C1QTNF3: variants seen among roughly 807,000 people sequenced by gnomAD.
C1QTNF3 encodes C1q and TNF related 3.
Under a neutral mutation model 32.6 loss-of-function variants are expected in C1QTNF3, and 26 were observed. That is an observed-to-expected ratio of 0.80 (90% CI 0.58 to 1.11). The LOEUF is 1.11. Among genes scored for constraint, C1QTNF3 ranks in the 50% least tolerant of loss-of-function variants. The probability of loss-of-function intolerance (pLI) is 0.00; values close to 1 mark genes in which losing one functional copy is unlikely to be tolerated. For missense variants in C1QTNF3, 362 were observed against 398.2 expected (o/e 0.91, Z 0.77); for synonymous variants, 155 against 146.0 (o/e 1.06, Z -0.44).
At chr5:34,068,001 TC>T in the C1QTNF3 span, among the ~76,000 whole-genome samples, 2 of 152,182 alleles carry the variant, frequency 1.3e-5, no homozygotes, top group African/African-American at 4.8e-5. Flanking sequence ...CTCTATTTTT[TC>T]CTTTTTTTAA....
intron 1 of C1QTNF3, among the ~76,000 whole-genome samples, chr5:34,040,805 T>C (rs1028996000): frequency 7.5e-6 from 1 of 133,384 alleles, no homozygotes; most frequent in Non-Finnish European, 1.6e-5. Flanking sequence ...TTCCAGTCTC[T>C]GTTGCAGCAC....
At chr5:34,063,287 C>T in the C1QTNF3 span, among the ~76,000 whole-genome samples, 1 of 91,280 alleles carries the variant, frequency 1.1e-5, no homozygotes, top group Admixed American at 1.0e-4. Context: ...TCTCTCTCTT[C>T]CCTCTCTCTC....
At chr5:34,215,709 A>C in the C1QTNF3 span, among the ~76,000 whole-genome samples, 1 of 152,144 alleles carries the variant, frequency 6.6e-6, no homozygotes, top group South Asian at 2.1e-4. Flanking sequence ...CAGTGGCATG[A>C]TTATGGCTCA....
At chr5:34,169,053 T>TA in the C1QTNF3 span, 1 of 152,166 alleles carries the variant, frequency 6.6e-6, no homozygotes, top group Non-Finnish European at 1.5e-5. Flanking sequence ...CATGAGAAGA[T>TA]ACAGTATTTC....
the C1QTNF3 span, among the ~76,000 whole-genome samples, chr5:34,116,153 A>T: frequency 6.6e-6 from 1 of 152,164 alleles, no homozygotes; most frequent in Non-Finnish European, 1.5e-5. Context: ...CTGTTGTTTG[A>T]TAGCTGCATA....
the C1QTNF3 span, among the ~76,000 whole-genome samples, chr5:34,128,441 C>T: frequency 1.1e-4 from 16 of 152,230 alleles, no homozygotes; most frequent in Admixed American, 3.3e-4. Context: ...CCTATAGAAC[C>T]CAGAATGATA....
chr5:34,020,603 G>C lies in C1QTNF3; in HGVS notation c.940C>G (p.Leu314Val). The C allele has an allele frequency of 6.2e-7, 1 of 1,614,216 alleles. No individual in the cohort carries two copies. Among genetic ancestry groups the C allele is most frequent in the Non-Finnish European group, 8.5e-7 (1 of 1,180,036 alleles). Residue 314 changes from leucine (L) to valine (V), a missense_variant, in exon 6 of 6, where the codon CTG (leucine) becomes GTG (valine). Physicochemically the swap from Leu to Val is conservative, Grantham distance 32. Coordinates refer to ENST00000382065, the MANE Select transcript of C1QTNF3 (RefSeq NM_181435.6). The stretch of plus-strand genomic sequence containing the variant: ...TATATTTACTTAGTTTCAAAGAGCA[G>C]GAATCCTGCAAAGGTGGAGAAGCGT... ...HQRFSTFAGF[L>V]LFETK
At chr5:34,120,864 C>T in the C1QTNF3 span, among the ~76,000 whole-genome samples, 1 of 152,158 alleles carries the variant, frequency 6.6e-6, no homozygotes, top group Non-Finnish European at 1.5e-5. Flanking sequence ...TAATACAATA[C>T]CCGTCCCCCT....
At chr5:34,060,759 CAT>C in the C1QTNF3 span, among the ~76,000 whole-genome samples, 1 of 152,142 alleles carries the variant, frequency 6.6e-6, no homozygotes, top group Non-Finnish European at 1.5e-5. Context: ...AACCTACCTC[CAT>C]AATTCAATTA....
At chr5:34,106,449 G>T in the C1QTNF3 span, 1 of 148,500 alleles carries the variant, frequency 6.7e-6, no homozygotes, top group Non-Finnish European at 1.5e-5. Context: ...GGAATAACCT[G>T]TTCCATAAAT....
At chr5:34,078,495 T>A in the C1QTNF3 span, among the ~76,000 whole-genome samples, 1 of 151,800 alleles carries the variant, frequency 6.6e-6, no homozygotes, top group Non-Finnish European at 1.5e-5. This position sits in a 1 kb window ranked among gnomAD's most constrained non-coding sequence, Gnocchi z 4.0. Flanking sequence ...CTGCCACTTA[T>A]AAAACCATCA....
rs914474247 is a variant in C1QTNF3 at position 34,043,187 on chromosome 5, C to T, written c.-62G>A. On this transcript the variant is annotated 5_prime_UTR_variant, in exon 1 of 6. Transcript: ENST00000382065. ...CAGCAGAGCTCCAGGAGCGTGGTCT[C>T]CTCGGGCAGATGCCAGGACTGGAGC... The T allele has an allele frequency of 6.5e-7, 1 of 1,530,818 alleles. No homozygotes were observed. Among genetic ancestry groups the T allele is most frequent in the South Asian group, 1.2e-5 (1 of 80,206 alleles). 94.8% of individuals were successfully genotyped at this position (1,530,818 alleles called of 1,614,324 possible).
At chr5:34,049,827 T>A in the C1QTNF3 span, among the ~76,000 whole-genome samples, 1 of 152,230 alleles carries the variant, frequency 6.6e-6, no homozygotes, top group African/African-American at 2.4e-5. Context: ...TCAGTCTGTT[T>A]TCTTAAGGCC....
At chr5:34,167,589 C>A in the C1QTNF3 span, 2 of 152,164 alleles carry the variant, frequency 1.3e-5, no homozygotes, top group African/African-American at 4.8e-5. Flanking sequence ...CAACACCCAG[C>A]CAGTAGGTTA....
chr5:34,134,829 C>T, the C1QTNF3 span, among the ~76,000 whole-genome samples: 12 of 152,114 alleles, frequency 7.9e-5, no homozygotes, highest in Non-Finnish European at 1.2e-4. Flanking sequence ...TGGGTGGAGA[C>T]GATGAGGTTT....
At chr5:34,157,349 A>G in the C1QTNF3 span, among the ~76,000 whole-genome samples, 1 of 152,164 alleles carries the variant, frequency 6.6e-6, no homozygotes, top group Admixed American at 6.5e-5. Flanking sequence ...CCTCTTTTAG[A>G]AGATGCAGTA....
intron 5 of C1QTNF3, among the ~76,000 whole-genome samples, chr5:34,022,230 C>T (rs534564694): frequency 6.6e-6 from 1 of 152,212 alleles, no homozygotes; most frequent in South Asian, 2.1e-4. Context: ...TAAAAGCCTG[C>T]CAAGTAAGTT....
the C1QTNF3 span, among the ~76,000 whole-genome samples, chr5:34,085,166 GT>G: frequency 7.9e-4 from 110 of 139,936 alleles, 1 homozygote; most frequent in African/African-American, 2.3e-3. Flanking sequence ...AATTTTTTGT[GT>G]TTTTTTTTTT....
chr5:34,068,367 A>T, the C1QTNF3 span, among the ~76,000 whole-genome samples: 1 of 152,048 alleles, frequency 6.6e-6, no homozygotes. Context: ...GAAAAACTAG[A>T]GCTTTATACT....
Sources: gnomAD v4.1 joint callset for allele counts (sites outside exome capture counted in the v4.1 genomes callset) on GRCh38, gnomAD v4.1.1 for gene constraint, Gnocchi (gnomAD v3.1) non-coding constraint, MANE v1.5 for transcripts, NCBI Gene and HGNC (gene_info 2026-07-23, HGNC 2026-07-21) for gene names.